PARG: variants seen among roughly 807,000 people sequenced by gnomAD.
PARG encodes mitochondrial poly(ADP-ribose) glycohydrolase.
A neutral mutation model predicts 113.0 loss-of-function variants in PARG; 35 were observed. The observed-to-expected ratio is 0.31, with a 90% CI of 0.24 to 0.41. PARG has a LOEUF of 0.41. PARG is among the 10% of genes least tolerant of loss of function. The pLI is 1.00. For synonymous variants in PARG, 330 were observed against 409.9 expected (o/e 0.81, Z 2.36); for missense variants, 797 against 1,169.4 (o/e 0.68, Z 4.64).
chr10:49,828,538 G>C (rs1412659009), intron 16 of PARG, among the ~76,000 whole-genome samples: 1 of 152,154 alleles, frequency 6.6e-6, no homozygotes, highest in Non-Finnish European at 1.5e-5. Context: ...GCTGCTGCTG[G>C]AGCCAGGCCC....
rs557105762 is a variant in PARG, at chr10:49,828,073, G to C, written c.2647+4730C>G. ...CCCACGCAAAAATCTCTGCTGAGAC[G>C]AGATGTAGAAAGCTTAAACAAAAAA... On this transcript the variant is annotated intron_variant, in intron 16 of 17. Transcript: ENST00000616448. Among the ~76,000 whole-genome samples the C allele has an allele frequency of 4.3e-5, 4 of 93,662 alleles. No homozygotes were observed. In the East Asian group the frequency reaches 1.4e-3, roughly 34 times the overall value. 61.4% of individuals were successfully genotyped at this position (93,662 alleles called of 152,430 possible).
At chr10:49,894,693 G>A (rs1277092245) in intron 7 of PARG, among the ~76,000 whole-genome samples, 2 of 152,108 alleles carry the variant, frequency 1.3e-5, no homozygotes, top group African/African-American at 4.8e-5. Context: ...GTATAAACAT[G>A]GGTCTGTTTC....
intron 4 of PARG, among the ~76,000 whole-genome samples, chr10:49,923,000 T>C (rs1385868123): frequency 6.6e-6 from 1 of 152,238 alleles, no homozygotes; most frequent in Non-Finnish European, 1.5e-5. Flanking sequence ...CCCAGGCTTC[T>C]AATGCTATAA....
chr10:49,910,356 T>A (rs1200410372), intron 7 of PARG, among the ~76,000 whole-genome samples: 2 of 152,264 alleles, frequency 1.3e-5, no homozygotes, highest in African/African-American at 4.8e-5. Context: ...TATATCTATA[T>A]TTAAATTGTG....
chr10:49,830,139 G>C (rs1224635398), intron 16 of PARG, among the ~76,000 whole-genome samples: 1 of 152,006 alleles, frequency 6.6e-6, no homozygotes, highest in Non-Finnish European at 1.5e-5. Flanking sequence ...AGTCTGAAAG[G>C]CTTTTAAGCC....
At chr10:49,931,791 A>G (rs1258423017) in intron 4 of PARG, among the ~76,000 whole-genome samples, 1 of 152,070 alleles carries the variant, frequency 6.6e-6, no homozygotes, top group Non-Finnish European at 1.5e-5. Context: ...AGGATTCTGC[A>G]GTCAGTACAC....
At chr10:49,833,128 T>C (rs1844753759) in intron 15 of PARG, 5 of 323,296 alleles carry the variant, frequency 1.5e-5, no homozygotes, top group East Asian at 1.0e-4. Flanking sequence ...ATTCTAATAT[T>C]TATTTGTTTG....
At chr10:49,853,072 T>C (rs1386606533) in intron 13 of PARG, among the ~76,000 whole-genome samples, 2 of 150,444 alleles carry the variant, frequency 1.3e-5, no homozygotes. Context: ...CTCGCTCTGT[T>C]GCCCAGGCTG....
At chr10:49,918,801 G>C (rs779928850) in intron 6 of PARG, among the ~76,000 whole-genome samples, 8 of 152,090 alleles carry the variant, frequency 5.3e-5, no homozygotes, top group Non-Finnish European at 8.8e-5. Context: ...GGATTACTCT[G>C]TTCTATTGAA....
Position 49,832,862 on chromosome 10 carries a change from G to T in PARG, c.2588C>A (p.Ser863Tyr). 1 of 1,550,814 alleles carries T rather than the reference G, an allele frequency of 6.4e-7. No homozygotes were observed. Among genetic ancestry groups the T allele is most frequent in the Non-Finnish European group, 8.7e-7 (1 of 1,146,286 alleles). ...GCCCCAGTTTCCTGTGGCCACTGCA[G>T]AAAGATTCTCTGAAGAAACTCCAGG... ...LRPGVSSENL[S>Y]AVATGNWGCG... Residue 863 changes from serine to tyrosine, a missense_variant, in exon 16 of 18, where the codon TCT becomes TAT. Around this residue, in one of 5 missense-constraint regions of PARG, gnomAD observed 194 missense variants for 247.1 expected, o/e 0.79. Coordinates refer to ENST00000616448, the MANE Select transcript of PARG (RefSeq NM_003631.5).
At chr10:49,900,322 T>C (rs1554843593) in intron 7 of PARG, among the ~76,000 whole-genome samples, 1 of 151,922 alleles carries the variant, frequency 6.6e-6, no homozygotes, top group Non-Finnish European at 1.5e-5. Flanking sequence ...CCATCAGAGG[T>C]TTAAAATTCA....
At chr10:49,936,177 C>A (rs1266918868) in intron 1 of PARG, among the ~76,000 whole-genome samples, 1 of 151,800 alleles carries the variant, frequency 6.6e-6, no homozygotes, top group Non-Finnish European at 1.5e-5. Flanking sequence ...CTAGATTGAA[C>A]AGTTACTGGC....
rs1348839129 is a variant in PARG at position 49,941,994 on chromosome 10, C to A, written c.-269G>T. On this transcript the variant is annotated 5_prime_UTR_variant, in exon 1 of 18. Transcript: ENST00000616448. ...TCACTTTCCCACCACCGGAAAGCTG[C>A]CGTCAGGCGCTTCCGGCTTCCGGGG... The A allele has an allele frequency of 5.4e-6, 5 of 917,688 alleles. No individual in the cohort carries two copies. The African/African-American group carries it at 8.3e-5, about 15-fold the overall frequency. 56.8% of individuals were successfully genotyped at this position (917,688 alleles called of 1,614,324 possible). A position where few individuals can be genotyped will look rare whatever the true frequency, so the allele number is the denominator to read the frequency against.
rs61253147 is a variant in PARG at position 49,833,786 on chromosome 10, C to T, written c.2542-878G>A. On this transcript the variant is annotated intron_variant, in intron 15 of 17. Transcript: ENST00000616448. ...CTTAATACAGCAGCAAAGCAAAACTCCCCTGGGTTCTCAAGTTCCAAACGA... is the reference window on the plus strand; with the variant it reads ...CTTAATACAGCAGCAAAGCAAAACTTCCCTGGGTTCTCAAGTTCCAAACGA... Among the ~76,000 whole-genome samples the T allele has an allele frequency of 3.0e-3, 451 of 152,238 alleles. 4 individuals are homozygous for T. Among genetic ancestry groups the T allele is most frequent in the Middle Eastern group, 0.01 (3 of 294 alleles).
intron 8 of PARG, among the ~76,000 whole-genome samples, chr10:49,880,516 T>C (rs185556400): frequency 6.6e-6 from 1 of 152,320 alleles, no homozygotes; most frequent in Admixed American, 6.5e-5. Context: ...TGCCACCAAA[T>C]TCACTTACCT....
chr10:49,880,934 A>G (rs564756201), intron 8 of PARG, among the ~76,000 whole-genome samples: 28 of 152,212 alleles, frequency 1.8e-4, no homozygotes, highest in Non-Finnish European at 4.0e-4. Flanking sequence ...AGCCCTGCAA[A>G]GCTGTCTGTT....
At chr10:49,900,346 T>C (rs1554843595) in intron 7 of PARG, among the ~76,000 whole-genome samples, 1 of 151,934 alleles carries the variant, frequency 6.6e-6, no homozygotes, top group African/African-American at 2.4e-5. Context: ...ACTTTCTGGA[T>C]GTGGTGGAAA....
At chr10:49,880,413 A>C (rs1847158326) in intron 8 of PARG, among the ~76,000 whole-genome samples, 1 of 152,082 alleles carries the variant, frequency 6.6e-6, no homozygotes, top group Non-Finnish European at 1.5e-5. Context: ...GTAAAAAGAT[A>C]AGACATTTCT....
intron 7 of PARG, among the ~76,000 whole-genome samples, chr10:49,904,447 A>G (rs1460539987): frequency 6.6e-6 from 1 of 151,614 alleles, no homozygotes; most frequent in African/African-American, 2.4e-5. Context: ...TGACTGTAAA[A>G]CATCAATTAC....
Sources: allele counts gnomAD v4.1 joint callset (sites outside exome capture counted in the v4.1 genomes callset), GRCh38; gene constraint gnomAD v4.1.1; regional missense constraint gnomAD v4.1.1; transcripts MANE v1.5; gene names NCBI Gene and HGNC (gene_info 2026-07-23, HGNC 2026-07-21).